ENPP1: variants seen among roughly 807,000 people sequenced by gnomAD.
The protein encoded by ENPP1 is ectonucleotide pyrophosphatase/phosphodiesterase family member 1.
Under a neutral mutation model 122.8 loss-of-function variants are expected in ENPP1, and 73 were observed. The ratio of observed to expected loss-of-function variants is 0.59; its 90% CI spans 0.49 to 0.72. The LOEUF (loss-of-function observed/expected upper bound fraction) is 0.72. ENPP1 is among the 30% of genes least tolerant of loss of function. The probability of loss-of-function intolerance (pLI) is 0.00; values close to 1 mark genes in which losing one functional copy is unlikely to be tolerated. For missense variants in ENPP1, 978 were observed against 1,128.1 expected, an observed-to-expected ratio of 0.87 and a Z score of 1.91; for synonymous variants, 367 against 391.6, an observed-to-expected ratio of 0.94 and a Z score of 0.74.
At chr6:131,848,410 G>GT (rs1263472711) in intron 2 of ENPP1, among the ~76,000 whole-genome samples, 2 of 152,006 alleles carry the variant, frequency 1.3e-5, no homozygotes, top group Admixed American at 6.6e-5. Context: ...CTTTGAGGTA[G>GT]TTCCCCCCCC....
At chr6:131,841,233 TTGGCAC>T (rs567805308) in intron 1 of ENPP1, among the ~76,000 whole-genome samples, 82 of 152,334 alleles carry the variant, frequency 5.4e-4, no homozygotes, top group African/African-American at 1.9e-3. Flanking sequence ...TAGAAGTTTC[TTGGCAC>T]TGGATTTACT....
chr6:131,887,725 A>ATTTTTT lies in ENPP1; in HGVS notation c.2607+1017_2607+1022dup, dbSNP rs757759048. Among the ~76,000 whole-genome samples the ATTTTTT allele has an allele frequency of 2.8e-3, 319 of 114,818 alleles. 15 individuals carry two copies. Among genetic ancestry groups the ATTTTTT allele is most frequent in the African/African-American group, 9.3e-3 (253 of 27,268 alleles). 75.3% of individuals were successfully genotyped at this position (114,818 alleles called of 152,430 possible). A position where few individuals can be genotyped will look rare whatever the true frequency, so the allele number is the denominator to read the frequency against. Reference sequence around the variant, plus strand: ...AGGCGCCCGCCACCACACCCGGCTAATTTTTTTTTTTTTTTTTTTTTAGTA... The same window carrying ATTTTTT: ...AGGCGCCCGCCACCACACCCGGCTAATTTTTTTTTTTTTTTTTTTTTTTTTTTAGTA... On this transcript the variant is annotated intron_variant, in intron 24 of 24. Coordinates refer to ENST00000647893, the MANE Select transcript of ENPP1 (RefSeq NM_006208.3).
Position 131,894,285 on chromosome 6 carries a change from A to G in ENPP1, c.*3774A>G. 1 of 135,352 alleles carries G rather than the reference A, an allele frequency of 7.4e-6. No individual in the cohort carries two copies. The highest frequency in any genetic ancestry group is 2.2e-4 in the East Asian group (1 of 4,574). 8.4% of individuals were successfully genotyped at this position (135,352 alleles called of 1,614,324 possible). A position where few individuals can be genotyped will look rare whatever the true frequency, so the allele number is the denominator to read the frequency against. ...GATTTCTACTGTCATGCCTCACATCAGTCCTTTTTTTTTTTTTTGAGACAG... is the reference window on the plus strand; with the variant it reads ...GATTTCTACTGTCATGCCTCACATCGGTCCTTTTTTTTTTTTTTGAGACAG... On this transcript the variant is annotated 3_prime_UTR_variant, in exon 25 of 25. Transcript: ENST00000647893.
chr6:131,852,008 C>T (rs562173112), intron 4 of ENPP1, among the ~76,000 whole-genome samples, 167 bp from the exon 5 acceptor site: 1 of 152,280 alleles, frequency 6.6e-6, no homozygotes, highest in East Asian at 1.9e-4. Flanking sequence ...TATTTTGAAG[C>T]ACAATAATTC....
intron 7 of ENPP1, 49 bp downstream of exon 7, chr6:131,858,796 T>C (rs1781981329): frequency 7.8e-7 from 1 of 1,284,432 alleles, no homozygotes. Flanking sequence ...TGAGATGGGA[T>C]TGTAACATTT....
chr6:131,869,209 A>T (rs1782126954), intron 12 of ENPP1, 149 bp from the exon 13 acceptor site: 1 of 754,528 alleles, frequency 1.3e-6, no homozygotes, highest in Non-Finnish European at 2.2e-6. Context: ...TACAGCTGAA[A>T]TTCTGTCTTA....
intron 23 of ENPP1, 118 bp downstream of exon 23, chr6:131,885,181 A>G: frequency 1.2e-6 from 1 of 869,298 alleles, no homozygotes; most frequent in Non-Finnish European, 1.9e-6. Context: ...TATGTGTATG[A>G]CACTTCTGAC....
At chr6:131,867,640 C>T (rs1050268312) in intron 11 of ENPP1, among the ~76,000 whole-genome samples, 19 of 152,086 alleles carry the variant, frequency 1.2e-4, no homozygotes, top group Admixed American at 1.0e-3. Flanking sequence ...TGGTTTCTGG[C>T]CAAACACTGT....
intron 18 of ENPP1, chr6:131,877,838 CAAAAAAAAAA>C (rs1169868832): frequency 1.7e-4 from 2 of 12,110 alleles, no homozygotes; most frequent in Non-Finnish European, 2.6e-4. Context: ...GACCCTTTCT[CAAAAAAAAAA>C]AAAAAAAAAA....
chr6:131,812,156 AC>A (rs1435524133), intron 1 of ENPP1, among the ~76,000 whole-genome samples: 15 of 152,342 alleles, frequency 9.8e-5, no homozygotes, highest in Non-Finnish European at 1.9e-4. Flanking sequence ...TTTGTGGTAG[AC>A]TTTAGACATC....
intron 8 of ENPP1, 80 bp from the exon 9 acceptor site, chr6:131,861,515 T>C: frequency 1.1e-6 from 1 of 881,368 alleles, no homozygotes; most frequent in African/African-American, 1.6e-5. Flanking sequence ...GAGGAATGCA[T>C]TGGTGTGGTA....
intron 19 of ENPP1, 55 bp from the exon 20 acceptor site, chr6:131,879,825 A>G (rs540550824): frequency 3.4e-4 from 497 of 1,454,038 alleles, no homozygotes; most frequent in Non-Finnish European, 4.6e-4. Context: ...GTATCACACT[A>G]TATATTATCA....
rs528926027 is a variant in ENPP1 at position 131,878,314 on chromosome 6, T to C, written c.1894-228T>C. Among the ~76,000 whole-genome samples, 72 of 152,156 alleles carry C rather than the reference T, an allele frequency of 4.7e-4. 2 individuals carry two copies. In the South Asian group the frequency reaches 0.014, roughly 30 times the overall value. The stretch of plus-strand genomic sequence containing the variant: ...GGGAGCCTGAGGTGGGAGGATTGCT[T>C]GAGCCCAGTAGGCCAAGGCTGCACT... On this transcript the variant is annotated intron_variant, in intron 18 of 24. Transcript: ENST00000647893.
At chr6:131,855,562 G>A (rs998017350) in intron 6 of ENPP1, among the ~76,000 whole-genome samples, 2 of 152,144 alleles carry the variant, frequency 1.3e-5, no homozygotes, top group Non-Finnish European at 2.9e-5. Context: ...CTGGGCTCAA[G>A]CAATCCACCC....
intron 1 of ENPP1, among the ~76,000 whole-genome samples, chr6:131,808,750 G>C (rs889553464): frequency 6.6e-6 from 1 of 152,132 alleles, no homozygotes; most frequent in Non-Finnish European, 1.5e-5. Flanking sequence ...GAACTCTACG[G>C]AACACTTTTT....
intron 20 of ENPP1, among the ~76,000 whole-genome samples, chr6:131,881,912 G>A (rs1449057150): frequency 3.9e-5 from 6 of 152,010 alleles, no homozygotes; most frequent in Non-Finnish European, 5.9e-5. Context: ...CCAGCTACTC[G>A]GGAAGCTGAG....
intron 1 of ENPP1, chr6:131,819,967 A>T (rs367631478): frequency 1.8e-6 from 1 of 555,892 alleles, no homozygotes. Context: ...ATCTTGCTGA[A>T]GCAGAGTTTT....
At chr6:131,873,114 G>A (rs1050476974) in intron 15 of ENPP1, 64 bp downstream of exon 15, 23 of 1,547,456 alleles carry the variant, frequency 1.5e-5, no homozygotes, top group Middle Eastern at 1.7e-4. Flanking sequence ...GGTAACCATT[G>A]GGCCCTTTCT....
At chr6:131,880,433 G>A (rs11961153) in intron 20 of ENPP1, among the ~76,000 whole-genome samples, 1,993 of 151,780 alleles carry the variant, frequency 0.013, 21 homozygotes, top group Middle Eastern at 0.041. Flanking sequence ...GCGTGGTGGC[G>A]GGCGCCTGTA....
Sources: allele counts gnomAD v4.1 joint callset (sites outside exome capture counted in the v4.1 genomes callset), GRCh38; gene constraint gnomAD v4.1.1; transcripts MANE v1.5; gene names NCBI Gene and HGNC (gene_info 2026-07-23, HGNC 2026-07-21).